Variants in DNAH11 observed in about 807,000 individuals in gnomAD.
The protein encoded by DNAH11 is axonemal beta dynein heavy chain 11.
Under a neutral mutation model 526.0 loss-of-function variants are expected in DNAH11, and 442 were observed. That is an observed-to-expected ratio of 0.84 (90% CI 0.78 to 0.91). DNAH11 has a LOEUF of 0.91. Among genes scored for constraint, DNAH11 ranks in the 40% least tolerant of loss-of-function variants. The pLI is 0.00. For synonymous variants in DNAH11, 2,461 were observed against 1,935.9 expected, an observed-to-expected ratio of 1.27 and a Z score of -7.12; for missense variants, 6,989 against 5,448.7, an observed-to-expected ratio of 1.28 and a Z score of -8.90.
intron 30 of DNAH11, among the ~76,000 whole-genome samples, chr7:21,680,462 C>G (rs542878906): frequency 2.0e-5 from 3 of 152,252 alleles, no homozygotes; most frequent in African/African-American, 7.2e-5. Context: ...AAATGACCAC[C>G]TAAGACAGCA....
chr7:21,707,902 G>T, intron 40 of DNAH11, 67 bp downstream of exon 40: 2 of 1,483,634 alleles, frequency 1.3e-6, no homozygotes, highest in Non-Finnish European at 1.8e-6. Context: ...TTCAGTACAA[G>T]CCAATTTTAG....
At chr7:21,721,919 T>C (rs1370385678) in intron 44 of DNAH11, among the ~76,000 whole-genome samples, 1 of 152,192 alleles carries the variant, frequency 6.6e-6, no homozygotes, top group Non-Finnish European at 1.5e-5. Flanking sequence ...GGTCAATTCC[T>C]TTTTCACTGA....
Position 21,658,850 on chromosome 7 carries a change from A to T in DNAH11, c.5147A>T (p.His1716Leu). The change falls in exon 30 of 82, where the codon CAT becomes CTT. Residue 1716 changes from histidine (H) to leucine (L), a missense_variant. Coordinates refer to ENST00000409508, the MANE Select transcript of DNAH11 (RefSeq NM_001277115.2). ...CAGACTATGCAAGAAACGGTGCGTCATTCTATAACAGAAGCCATAGTGGCC... is the reference window on the plus strand; with the variant it reads ...CAGACTATGCAAGAAACGGTGCGTCTTTCTATAACAGAAGCCATAGTGGCC... ...LEQTMQETVRHSITEAIVAYE... is the reference protein window; with the variant it reads ...LEQTMQETVRLSITEAIVAYE... 2 of 1,605,078 alleles carry T rather than the reference A, an allele frequency of 1.2e-6. No individual in the cohort carries two copies. Among genetic ancestry groups the T allele is most frequent in the Non-Finnish European group, 1.7e-6 (2 of 1,175,818 alleles).
intron 65 of DNAH11, among the ~76,000 whole-genome samples, chr7:21,824,670 A>G (rs992650779): frequency 6.6e-6 from 1 of 152,206 alleles, no homozygotes; most frequent in South Asian, 2.1e-4. Flanking sequence ...AAGATTCTGA[A>G]TGTTGCTTAT....
At chr7:21,546,300 C>T (rs1782803279) in intron 2 of DNAH11, among the ~76,000 whole-genome samples, 1 of 152,180 alleles carries the variant, frequency 6.6e-6, no homozygotes, top group South Asian at 2.1e-4. Flanking sequence ...TCCCTTCGCT[C>T]CTGTTGAATT....
At chr7:21,731,319 A>G (rs916514471) in intron 45 of DNAH11, among the ~76,000 whole-genome samples, 1 of 151,670 alleles carries the variant, frequency 6.6e-6, no homozygotes, top group African/African-American at 2.4e-5. Context: ...GATCCAAAAA[A>G]TTTAATTATA....
At chr7:21,581,855 C>T (rs747711386) in intron 8 of DNAH11, 50 bp from the exon 9 acceptor site, 30 of 1,181,018 alleles carry the variant, frequency 2.5e-5, no homozygotes, top group East Asian at 2.3e-4. Flanking sequence ...TTGCTATTTT[C>T]GCTGTTGGAT....
chr7:21,693,046 T>C (rs1451991060), intron 35 of DNAH11, among the ~76,000 whole-genome samples: 1 of 152,244 alleles, frequency 6.6e-6, no homozygotes, highest in Admixed American at 6.5e-5. Flanking sequence ...TCTCAATTTG[T>C]GGCTTGCCTT....
intron 70 of DNAH11, among the ~76,000 whole-genome samples, chr7:21,865,462 T>C (rs1436834389): frequency 6.6e-6 from 1 of 152,144 alleles, no homozygotes; most frequent in Non-Finnish European, 1.5e-5. Flanking sequence ...AAGAGTCTGT[T>C]TTCATAGTAT....
chr7:21,630,711 A>G (rs963576300), intron 25 of DNAH11, among the ~76,000 whole-genome samples: 3 of 151,890 alleles, frequency 2.0e-5, no homozygotes, highest in Non-Finnish European at 4.4e-5. Context: ...GAGCTCCTTT[A>G]TATCTTATTT....
intron 62 of DNAH11, among the ~76,000 whole-genome samples, chr7:21,806,468 C>T (rs1017246264): frequency 2.0e-5 from 3 of 152,100 alleles, no homozygotes; most frequent in African/African-American, 7.2e-5. Flanking sequence ...ATAAGCAAAG[C>T]AGGGAGATGA....
At chr7:21,796,478 G>C (rs1299960672) in intron 61 of DNAH11, among the ~76,000 whole-genome samples, 2 of 152,152 alleles carry the variant, frequency 1.3e-5, no homozygotes, top group Non-Finnish European at 2.9e-5. Context: ...AGAAAGTCAA[G>C]GAGAGAAACT....
intron 42 of DNAH11, among the ~76,000 whole-genome samples, chr7:21,712,906 C>A (rs1369444621): frequency 1.3e-5 from 2 of 152,126 alleles, no homozygotes; most frequent in African/African-American, 4.8e-5. Flanking sequence ...GGTTCACATA[C>A]CTTGAAGATG....
At chr7:21,775,176 A>G (rs1226982030) in intron 56 of DNAH11, among the ~76,000 whole-genome samples, 2 of 152,186 alleles carry the variant, frequency 1.3e-5, no homozygotes, top group Non-Finnish European at 1.5e-5. Flanking sequence ...CTGTACTAAT[A>G]GTGAGTAGAT....
chr7:21,836,050 G>A (rs1781984549), intron 65 of DNAH11, among the ~76,000 whole-genome samples: 1 of 151,874 alleles, frequency 6.6e-6, no homozygotes, highest in Non-Finnish European at 1.5e-5. Flanking sequence ...CCAAGGAGGT[G>A]AAAAATCCTT....
In DNAH11 at chr7:21,773,916, T is replaced by C; in HGVS notation, c.9253T>C (p.Leu3085=). ...ACAAATATCACTGTTTAAGAACCTGTTGAAGAAGAAGCAAAATGAGGTATC... is the reference window on the plus strand; with the variant it reads ...ACAAATATCACTGTTTAAGAACCTGCTGAAGAAGAAGCAAAATGAGGTATC... The part of the protein sequence containing the change: ...LEQISLFKNL[L]KKKQNEVSEK... The change falls in exon 56 of 82, where the codon TTG becomes CTG. Residue 3085 remains leucine (L), a synonymous_variant. Transcript: ENST00000409508. 1 of 1,599,888 alleles carries C rather than the reference T, an allele frequency of 6.3e-7. No individual in the cohort carries two copies. The highest frequency in any genetic ancestry group is 8.5e-7 in the Non-Finnish European group (1 of 1,172,890).
chr7:21,805,532 G>C (rs1789224575), intron 62 of DNAH11, among the ~76,000 whole-genome samples: 1 of 152,138 alleles, frequency 6.6e-6, no homozygotes, highest in Non-Finnish European at 1.5e-5. Flanking sequence ...ACCAGTACTA[G>C]TACTTAAAAC....
intron 68 of DNAH11, among the ~76,000 whole-genome samples, chr7:21,859,178 A>G (rs1379965450): frequency 6.6e-6 from 1 of 152,050 alleles, no homozygotes; most frequent in Non-Finnish European, 1.5e-5. Context: ...TAGTGGTGCA[A>G]TCTCGGCTCA....
intron 30 of DNAH11, among the ~76,000 whole-genome samples, chr7:21,659,311 ACT>A (rs1470554589): frequency 6.7e-6 from 1 of 148,544 alleles, no homozygotes; most frequent in Non-Finnish European, 1.5e-5. Context: ...TCTGTGTAAG[ACT>A]CTCCAACTAG....
Sources: allele counts gnomAD v4.1 joint callset (sites outside exome capture counted in the v4.1 genomes callset), GRCh38; gene constraint gnomAD v4.1.1; transcripts MANE v1.5; gene names NCBI Gene and HGNC (gene_info 2026-07-23, HGNC 2026-07-21).